Variants in RIMKLA observed in about 807,000 individuals in gnomAD.
RIMKLA encodes the protein ribosomal modification protein rimK like family member A.
A neutral mutation model predicts 32.7 loss-of-function variants in RIMKLA; 14 were observed. The observed-to-expected ratio is 0.43, with a 90% CI of 0.28 to 0.67. RIMKLA has a LOEUF of 0.67. RIMKLA is among the 30% of genes least tolerant of loss of function. The probability of loss-of-function intolerance (pLI) is 0.18; values close to 1 mark genes in which losing one functional copy is unlikely to be tolerated. For missense variants in RIMKLA, 410 were observed against 519.0 expected (o/e 0.79, Z 2.04); for synonymous variants, 176 against 204.1 (o/e 0.86, Z 1.18).
In RIMKLA at chr1:42,399,566, T is replaced by C. The variant is rs1397800360; in HGVS notation, c.326T>C (p.Ile109Thr). Residue 109 changes from isoleucine to threonine, a missense_variant, in exon 2 of 5, where the codon ATC (isoleucine) becomes ACC (threonine). Transcript: ENST00000431473. Reference protein sequence around the residue: ...VNRPQSILNCINKFWTFQELA... With the variant: ...VNRPQSILNCTNKFWTFQELA... Reference sequence around the variant, plus strand: ...CGCCCACAGAGCATCTTAAATTGCATCAACAAATTCTGGACGTTCCAAGAA... The same window carrying C: ...CGCCCACAGAGCATCTTAAATTGCACCAACAAATTCTGGACGTTCCAAGAA... The C allele has an allele frequency of 6.2e-7, 1 of 1,613,474 alleles. No individual in the cohort carries two copies. Among genetic ancestry groups the C allele is most frequent in the South Asian group, 1.1e-5 (1 of 90,790 alleles).
At chr1:42,396,156 A>T (rs1446545330) in intron 1 of RIMKLA, among the ~76,000 whole-genome samples, 2 of 149,208 alleles carry the variant, frequency 1.3e-5, no homozygotes, top group African/African-American at 4.9e-5. Context: ...GAATCACTTG[A>T]ACCTGAGAGG....
intron 1 of RIMKLA, among the ~76,000 whole-genome samples, chr1:42,385,755 C>T (rs58474403): frequency 2.1e-5 from 2 of 97,328 alleles, no homozygotes; most frequent in Non-Finnish European, 3.9e-5. Flanking sequence ...TTCTTTCTTT[C>T]TTTCTTTCTT....
rs1392475335 is a variant in RIMKLA at position 42,410,150 on chromosome 1, C to T, written c.648C>T (p.Cys216=). ...GGQVIGSMLR[C]STDGRMQSNC... The stretch of plus-strand genomic sequence containing the variant: ...AGGTCATAGGCTCTATGCTTCGCTG[C>T]TCCACTGATGGACGGATGCAGAGCA... The change falls in exon 4 of 5, where the codon TGC becomes TGT. Residue 216 remains cysteine (C), a synonymous_variant. Coordinates refer to ENST00000431473, the MANE Select transcript of RIMKLA (RefSeq NM_173642.4). 2 of 1,614,040 alleles carry T rather than the reference C, an allele frequency of 1.2e-6. No homozygotes were observed. The highest frequency in any genetic ancestry group is 1.7e-6 in the Non-Finnish European group (2 of 1,180,026).
In RIMKLA at chr1:42,380,934, C is replaced by A; in HGVS notation, c.-1C>A. The A allele has an allele frequency of 7.8e-6, 11 of 1,414,974 alleles. No homozygotes were observed. The highest frequency in any genetic ancestry group is 8.3e-6 in the Non-Finnish European group (9 of 1,082,504). 87.7% of individuals were successfully genotyped at this position (1,414,974 alleles called of 1,614,324 possible). A position where few individuals can be genotyped will look rare whatever the true frequency, so the allele number is the denominator to read the frequency against. On this transcript the variant is annotated 5_prime_UTR_variant, in exon 1 of 5. Transcript: ENST00000431473. Reference sequence around the variant, plus strand: ...GCGCGGGGCGCACCGCCCTGGCCGCCATGTGCTCCCAGCTCTGGTTCCTGA... The same window carrying A: ...GCGCGGGGCGCACCGCCCTGGCCGCAATGTGCTCCCAGCTCTGGTTCCTGA...
intron 4 of RIMKLA, among the ~76,000 whole-genome samples, chr1:42,411,647 A>ATTATTTATTTAT (rs199789074): frequency 8.0e-4 from 116 of 144,220 alleles, no homozygotes; most frequent in Middle Eastern, 3.6e-3. Flanking sequence ...TTTTATTTTT[A>ATTATTTATTTAT]TTATTTATTT....
In RIMKLA at chr1:42,419,009, G is replaced by A. The variant is rs1357852310; in HGVS notation, c.*4035G>A. On this transcript the variant is annotated 3_prime_UTR_variant, in exon 5 of 5. Transcript: ENST00000431473. ...CCTGAAAATAGCCATATTTGTCACTGTCCCTAAAGTGAATGTTCATAGATC... is the reference window on the plus strand; with the variant it reads ...CCTGAAAATAGCCATATTTGTCACTATCCCTAAAGTGAATGTTCATAGATC... 2 of 152,242 alleles carry A rather than the reference G, an allele frequency of 1.3e-5. No homozygotes were observed. The highest frequency in any genetic ancestry group is 2.1e-4 in the South Asian group (1 of 4,832). The allele number at this position is 152,242 out of a possible 1,614,324, so 9.4% of individuals were successfully genotyped here.
chr1:42,397,752 T>C (rs893720753), intron 1 of RIMKLA, among the ~76,000 whole-genome samples: 1 of 152,134 alleles, frequency 6.6e-6, no homozygotes, highest in African/African-American at 2.4e-5. Flanking sequence ...TACAATATAT[T>C]CTTTAGAGCA....
chr1:42,412,525 T>G lies in RIMKLA; in HGVS notation c.686-1959T>G, dbSNP rs538937501. 4.0e-5 allele frequency: 18 copies of G among 447,956 alleles called. No individual in the cohort carries two copies. The East Asian group carries it at 1.0e-3, about 25-fold the overall frequency. 27.7% of individuals were successfully genotyped at this position (447,956 alleles called of 1,614,324 possible). A position where few individuals can be genotyped will look rare whatever the true frequency, so the allele number is the denominator to read the frequency against. The stretch of plus-strand genomic sequence containing the variant: ...ACCAAACTGATGGAATGGGAGCAGA[T>G]TATTCTGCCATTTTTCTAGATCTTC... On this transcript the variant is annotated intron_variant, in intron 4 of 4. Coordinates refer to ENST00000431473, the MANE Select transcript of RIMKLA (RefSeq NM_173642.4).
Position 42,387,023 on chromosome 1 carries a change from C to T in RIMKLA, c.163+5926C>T, listed in dbSNP as rs530520192. The stretch of plus-strand genomic sequence containing the variant: ...TGGAGGTTGCAGTGAGCTGAGATTA[C>T]GCCATTGCCCTCTACCCTGGGCAAC... On this transcript the variant is annotated intron_variant, in intron 1 of 4. Transcript: ENST00000431473. Among the ~76,000 whole-genome samples the T allele has an allele frequency of 4.3e-4, 60 of 140,016 alleles. No homozygotes were observed. The South Asian group carries it at 8.5e-3, about 20-fold the overall frequency. The allele number at this position is 140,016 out of a possible 152,430, so 91.9% of individuals were successfully genotyped here.
At position 42,409,201 on chromosome 1, in the gene RIMKLA, C is replaced by CAAAAAAAA. The variant is rs59543497; in HGVS notation, c.482-760_482-753dup. Among the ~76,000 whole-genome samples, 111 of 64,494 alleles carry CAAAAAAAA rather than the reference C, an allele frequency of 1.7e-3. 4 individuals carry two copies. Among genetic ancestry groups the CAAAAAAAA allele is most frequent in the African/African-American group, 5.7e-3 (84 of 14,846 alleles). The allele number at this position is 64,494 out of a possible 152,430, so 42.3% of individuals were successfully genotyped here. On this transcript the variant is annotated intron_variant, in intron 3 of 4. Coordinates refer to ENST00000431473, the MANE Select transcript of RIMKLA (RefSeq NM_173642.4). The stretch of plus-strand genomic sequence containing the variant: ...TGGGTGACAGAGCGAGACTCTGTCT[C>CAAAAAAAA]AAAAAAAAAAAAAAAAAAAAAAAAA...
chr1:42,410,367 G>A (rs1001229171), intron 4 of RIMKLA, among the ~76,000 whole-genome samples, 180 bp downstream of exon 4: 1 of 152,178 alleles, frequency 6.6e-6, no homozygotes. Context: ...AAGTGTAAGC[G>A]CTGTGGCAGA....
At chr1:42,414,457 CT>C (rs1557759041) in intron 4 of RIMKLA, 26 bp from the exon 5 acceptor site, 1 of 1,609,260 alleles carries the variant, frequency 6.2e-7, no homozygotes, top group Non-Finnish European at 8.5e-7. Flanking sequence ...CAGTTGTCAC[CT>C]TTACATCACT....
At chr1:42,389,671 G>A (rs1157352438) in intron 1 of RIMKLA, among the ~76,000 whole-genome samples, 7 of 152,086 alleles carry the variant, frequency 4.6e-5, no homozygotes, top group South Asian at 4.2e-4. Flanking sequence ...AAATTTAGCC[G>A]GGCGTGGTGG....
chr1:42,403,371 T>C (rs1055646915), intron 2 of RIMKLA, among the ~76,000 whole-genome samples: 1 of 152,210 alleles, frequency 6.6e-6, no homozygotes, highest in African/African-American at 2.4e-5. Context: ...AACTAGAAAG[T>C]ACACTAGTTT....
chr1:42,414,447 C>T, intron 4 of RIMKLA, 37 bp from the exon 5 acceptor site: 1 of 1,600,648 alleles, frequency 6.2e-7, no homozygotes, highest in Non-Finnish European at 8.5e-7. Flanking sequence ...TCTGACTTCT[C>T]AGTTGTCACC....
intron 1 of RIMKLA, among the ~76,000 whole-genome samples, chr1:42,390,499 G>A (rs12568086): frequency 0.15 from 22,937 of 152,200 alleles, 1,833 homozygotes; most frequent in East Asian, 0.23. Flanking sequence ...CGTATTTGGA[G>A]GGGTTGGTCT....
intron 4 of RIMKLA, among the ~76,000 whole-genome samples, chr1:42,413,112 C>T (rs534244304): frequency 1.9e-4 from 28 of 150,862 alleles, no homozygotes; most frequent in Middle Eastern, 3.5e-3. Context: ...CCAGCCTGGG[C>T]GACAGAGTGA....
At position 42,416,247 on chromosome 1, in the gene RIMKLA, C is replaced by T. The variant is rs1241032736; in HGVS notation, c.*1273C>T. On this transcript the variant is annotated 3_prime_UTR_variant, in exon 5 of 5. Coordinates refer to ENST00000431473, the MANE Select transcript of RIMKLA (RefSeq NM_173642.4). ...AAATGAACAAAGCCACCTTTTTAAC[C>T]AAATACACTAGAACATATGCACTCA... 5 of 152,064 alleles carry T rather than the reference C, an allele frequency of 3.3e-5. No homozygotes were observed. Among genetic ancestry groups the T allele is most frequent in the South Asian group, 2.1e-4 (1 of 4,808 alleles). 9.4% of individuals were successfully genotyped at this position (152,064 alleles called of 1,614,324 possible).
rs1643254838 is a variant in RIMKLA at position 42,417,021 on chromosome 1, A to G, written c.*2047A>G. On this transcript the variant is annotated 3_prime_UTR_variant, in exon 5 of 5. Transcript: ENST00000431473. ...TATCTTTACCACTCAGGGTGGCTTT[A>G]AAAGACGGACAGCTTTAGGTTTGTT... The G allele has an allele frequency of 6.6e-6, 1 of 152,240 alleles. No homozygotes were observed. The highest frequency in any genetic ancestry group is 6.5e-5 in the Admixed American group (1 of 15,286). 9.4% of individuals were successfully genotyped at this position (152,240 alleles called of 1,614,324 possible).
Sources: gnomAD v4.1 joint callset for allele counts (sites outside exome capture counted in the v4.1 genomes callset) on GRCh38, gnomAD v4.1.1 for gene constraint, MANE v1.5 for transcripts, NCBI Gene and HGNC (gene_info 2026-07-23, HGNC 2026-07-21) for gene names.